The following GABBR2 variants were observed in gnomAD, a reference collection of about 807,000 sequenced individuals.
GABBR2 encodes the protein gamma-aminobutyric acid type B receptor subunit 2.
A neutral mutation model predicts 105.6 loss-of-function variants in GABBR2; 23 were observed. That is an observed-to-expected ratio of 0.22 (90% CI 0.16 to 0.31). GABBR2 has a LOEUF of 0.31. Ranked by LOEUF, GABBR2 falls within the 10% of genes least tolerant of loss-of-function variation. The pLI, the probability that GABBR2 is intolerant of heterozygous loss-of-function variation, is 1.00. For synonymous variants in GABBR2, 478 were observed against 499.7 expected (o/e 0.96, Z 0.58); for missense variants, 734 against 1,245.5 (o/e 0.59, Z 6.18).
chr9:98,371,370 G>A, intron 12 of GABBR2, 94 bp downstream of exon 12: 2 of 719,456 alleles, frequency 2.8e-6, no homozygotes, highest in Admixed American at 2.2e-5. Flanking sequence ...TGGATCCCCA[G>A]CAAATAGCTC....
At chr9:98,534,379 A>G (rs1174751638) in intron 3 of GABBR2, among the ~76,000 whole-genome samples, 1 of 152,212 alleles carries the variant, frequency 6.6e-6, no homozygotes, top group Non-Finnish European at 1.5e-5. Flanking sequence ...TGCTCATGGC[A>G]GGCACAGAAA....
intron 2 of GABBR2, among the ~76,000 whole-genome samples, chr9:98,563,239 G>A (rs1240800126): frequency 6.6e-6 from 1 of 152,042 alleles, no homozygotes; most frequent in Non-Finnish European, 1.5e-5. Flanking sequence ...AACCAAAATG[G>A]AAACCAAAGA....
chr9:98,706,100 C>CAAAAAAAAAAAAAAAAAAAAAAAAA (rs1261779483), intron 1 of GABBR2, among the ~76,000 whole-genome samples: 1 of 31,266 alleles, frequency 3.2e-5, no homozygotes, highest in African/African-American at 9.4e-5. Context: ...CAAAACAAAA[C>CAAAAAAAAAAAAAAAAAAAAAAAAA]AAAAAAAACA....
chr9:98,298,003 C>G (rs1830409408), intron 17 of GABBR2, among the ~76,000 whole-genome samples: 1 of 147,674 alleles, frequency 6.8e-6, no homozygotes, highest in African/African-American at 2.5e-5. Context: ...AATCATGCCA[C>G]TGCACTCCAG....
chr9:98,385,768 T>A lies in GABBR2; in HGVS notation c.1534A>T (p.Ile512Leu), dbSNP rs774732804. ...FNIKNRNQKL[I>L]KMSSPYMNNL... ...TTCATGTATGGACTCGACATCTTTA[T>A]GAGCCTGACAAGAGAAAGAGACAAT... The change falls in exon 11 of 19, where the codon ATA (isoleucine) becomes TTA (leucine). Residue 512 changes from isoleucine to leucine, a missense_variant. This residue lies in a region of GABBR2 where 370 missense variants were observed against 648.9 expected (regional missense o/e 0.57). Transcript: ENST00000259455. The A allele has an allele frequency of 6.2e-7, 1 of 1,609,090 alleles. No individual in the cohort carries two copies.
rs1462178505 is a variant in GABBR2, at chr9:98,572,865, C to A, written c.459+5070G>T. ...GAGTACCCTCCAGTTCCAAGCCCCCCCAGCATGCCCCATCCACGTCCAGTT... is the reference window on the plus strand; with the variant it reads ...GAGTACCCTCCAGTTCCAAGCCCCCACAGCATGCCCCATCCACGTCCAGTT... On this transcript the variant is annotated intron_variant, in intron 2 of 18. Transcript: ENST00000259455. Among the ~76,000 whole-genome samples, 50 of 152,178 alleles carry A rather than the reference C, an allele frequency of 3.3e-4. 1 individual carries two copies. The highest frequency in any genetic ancestry group is 3.2e-3 in the Admixed American group (49 of 15,280).
Position 98,390,134 on chromosome 9 carries a change from G to A in GABBR2, c.1379-1130C>T, listed in dbSNP as rs1426217156. 2.0e-5 allele frequency among the ~76,000 whole-genome samples: 3 copies of A among 152,142 alleles called. No individual in the cohort carries two copies. In the East Asian group the frequency reaches 5.8e-4, roughly 29 times the overall value. On this transcript the variant is annotated intron_variant, in intron 9 of 18. Coordinates refer to ENST00000259455, the MANE Select transcript of GABBR2 (RefSeq NM_005458.8). Reference sequence around the variant, plus strand: ...TCATGCCTGTAATCCCAGCACTTTGGGAGGCCAAGGCGGGTGGATCACTTG... The same window carrying A: ...TCATGCCTGTAATCCCAGCACTTTGAGAGGCCAAGGCGGGTGGATCACTTG...
intron 16 of GABBR2, among the ~76,000 whole-genome samples, chr9:98,301,201 C>CCTGA (rs1300807720): frequency 2.6e-5 from 4 of 152,194 alleles, no homozygotes; most frequent in African/African-American, 9.6e-5. Flanking sequence ...GTTCCAGAGG[C>CCTGA]CTGACTTATG....
intron 7 of GABBR2, among the ~76,000 whole-genome samples, chr9:98,414,644 T>A (rs1165361658): frequency 6.6e-6 from 1 of 152,156 alleles, no homozygotes; most frequent in Non-Finnish European, 1.5e-5. Context: ...GCTGGCTAGC[T>A]GTTGACCAAA....
intron 1 of GABBR2, among the ~76,000 whole-genome samples, chr9:98,626,645 G>A (rs1179636853): frequency 4.6e-5 from 7 of 152,164 alleles, no homozygotes; most frequent in Admixed American, 4.6e-4. Flanking sequence ...GTTAGATTAT[G>A]TAAATAGCCG....
At chr9:98,650,100 T>A (rs1300190079) in intron 1 of GABBR2, among the ~76,000 whole-genome samples, 1 of 152,236 alleles carries the variant, frequency 6.6e-6, no homozygotes, top group African/African-American at 2.4e-5. Context: ...TAATATTTCC[T>A]CTTTTAACTA....
chr9:98,607,008 A>G, intron 1 of GABBR2: 1 of 969,532 alleles, frequency 1.0e-6, no homozygotes, highest in Non-Finnish European at 1.7e-6. Flanking sequence ...AGCTCAACAG[A>G]AGACCCCTGA....
chr9:98,404,500 G>T (rs773388607), intron 8 of GABBR2, among the ~76,000 whole-genome samples: 4 of 152,104 alleles, frequency 2.6e-5, no homozygotes, highest in Non-Finnish European at 5.9e-5. Context: ...CCTGGATGGC[G>T]CTGGGATCTG....
chr9:98,434,852 C>A (rs1825873033), intron 7 of GABBR2, among the ~76,000 whole-genome samples: 1 of 152,186 alleles, frequency 6.6e-6, no homozygotes, highest in African/African-American at 2.4e-5. Flanking sequence ...TTTGTGAGGA[C>A]CCTGAGATGC....
intron 7 of GABBR2, among the ~76,000 whole-genome samples, chr9:98,436,348 C>CATATATATATAT (rs1158239322): frequency 5.3e-4 from 4 of 7,602 alleles, no homozygotes; most frequent in Non-Finnish European, 1.1e-3. Flanking sequence ...ACACACACAC[C>CATATATATATAT]ATATATATAT....
intron 3 of GABBR2, among the ~76,000 whole-genome samples, chr9:98,531,077 T>C (rs895614033): frequency 3.9e-5 from 6 of 152,134 alleles, no homozygotes; most frequent in South Asian, 2.1e-4. Context: ...GTGGACTGTT[T>C]TGAAGAAGGC....
chr9:98,682,698 A>C (rs1279663493), intron 1 of GABBR2, among the ~76,000 whole-genome samples: 1 of 151,974 alleles, frequency 6.6e-6, no homozygotes, highest in Non-Finnish European at 1.5e-5. Context: ...CAATCTTAAT[A>C]CATAAAGCAG....
chr9:98,661,946 T>C (rs1830270811), intron 1 of GABBR2, among the ~76,000 whole-genome samples: 1 of 152,122 alleles, frequency 6.6e-6, no homozygotes, highest in Non-Finnish European at 1.5e-5. Context: ...CCTGGAGAAT[T>C]GGTCGAGGCT....
intron 6 of GABBR2, among the ~76,000 whole-genome samples, chr9:98,467,200 GT>G (rs1489817381): frequency 6.6e-6 from 1 of 152,144 alleles, no homozygotes; most frequent in African/African-American, 2.4e-5. Flanking sequence ...CCAGAGTTGC[GT>G]TATGAACTCT....
Sources: allele counts gnomAD v4.1 joint callset (sites outside exome capture counted in the v4.1 genomes callset), GRCh38; gene constraint gnomAD v4.1.1; regional missense constraint gnomAD v4.1.1; transcripts MANE v1.5; gene names NCBI Gene and HGNC (gene_info 2026-07-23, HGNC 2026-07-21).